Variants in NALF1 observed in about 807,000 individuals in gnomAD.
NALF1 encodes family with sequence similarity 155 member A.
In NALF1, 3 loss-of-function variants were observed where a neutral mutation model predicts 48.4. The observed-to-expected ratio is 0.06, with a 90% CI of 0.03 to 0.16. The LOEUF is 0.16. NALF1 is among the 10% of genes least tolerant of loss of function. The pLI, the probability that NALF1 is intolerant of heterozygous loss-of-function variation, is 1.00. For synonymous variants in NALF1, 262 were observed against 245.7 expected (o/e 1.07, Z -0.62); for missense variants, 526 against 571.5 (o/e 0.92, Z 0.81).
intron 1 of NALF1, among the ~76,000 whole-genome samples, chr13:107,500,417 T>G (rs1223621): frequency 6.6e-6 from 1 of 151,642 alleles, no homozygotes; most frequent in Non-Finnish European, 1.5e-5. Context: ...CCATCTCACA[T>G]CAGTTAGAAT....
At chr13:107,518,446 T>G (rs1876131264) in intron 1 of NALF1, among the ~76,000 whole-genome samples, 1 of 152,032 alleles carries the variant, frequency 6.6e-6, no homozygotes, top group African/African-American at 2.4e-5. Flanking sequence ...TACATGTACT[T>G]AAAAAGAAAG....
intron 1 of NALF1, among the ~76,000 whole-genome samples, chr13:107,731,207 C>T (rs1165392517): frequency 6.6e-6 from 1 of 152,072 alleles, no homozygotes; most frequent in Admixed American, 6.6e-5. Context: ...GAAAGTATCT[C>T]ATATCTTCAC....
At chr13:107,660,434 AAAACACACACACACACACAC>A (rs1880698426) in intron 1 of NALF1, among the ~76,000 whole-genome samples, 1 of 96,534 alleles carries the variant, frequency 1.0e-5, no homozygotes, top group African/African-American at 3.6e-5. Flanking sequence ...CTCTGTCTCA[AAAACACACACACACACACAC>A]ACACACACAC....
chr13:107,666,918 G>C (rs558551418), intron 1 of NALF1, among the ~76,000 whole-genome samples: 2 of 152,194 alleles, frequency 1.3e-5, no homozygotes, highest in South Asian at 4.1e-4. Flanking sequence ...CCTCAGACTA[G>C]ATCCTGTTCA....
At chr13:107,201,715 C>T (rs938914439) in intron 2 of NALF1, among the ~76,000 whole-genome samples, 6 of 152,100 alleles carry the variant, frequency 3.9e-5, no homozygotes, top group Non-Finnish European at 8.8e-5. Context: ...TGTTTGTTCC[C>T]GCGTACTTGA....
At chr13:107,417,975 C>T (rs1170811283) in intron 1 of NALF1, among the ~76,000 whole-genome samples, 1 of 152,204 alleles carries the variant, frequency 6.6e-6, no homozygotes, top group African/African-American at 2.4e-5. Flanking sequence ...GCAGGAGAAT[C>T]GCTTGAACCA....
chr13:107,566,541 A>G (rs904703430), intron 1 of NALF1, among the ~76,000 whole-genome samples: 4 of 152,168 alleles, frequency 2.6e-5, no homozygotes, highest in African/African-American at 9.7e-5. Flanking sequence ...AAGCAGGTCC[A>G]AGGGCACTAG....
intron 1 of NALF1, among the ~76,000 whole-genome samples, chr13:107,698,433 A>G (rs1419083223): frequency 1.3e-5 from 2 of 152,070 alleles, no homozygotes; most frequent in African/African-American, 4.8e-5. Context: ...CAAACTGTTC[A>G]CCATAGTACT....
intron 1 of NALF1, among the ~76,000 whole-genome samples, chr13:107,310,943 G>C (rs1882032862): frequency 6.6e-6 from 1 of 152,166 alleles, no homozygotes; most frequent in Non-Finnish European, 1.5e-5. Flanking sequence ...TTACAGGCGG[G>C]AGCCACAGTG....
At chr13:107,332,108 A>C (rs1882479835) in intron 1 of NALF1, among the ~76,000 whole-genome samples, 1 of 152,218 alleles carries the variant, frequency 6.6e-6, no homozygotes, top group Non-Finnish European at 1.5e-5. Context: ...AGGTCTTTGC[A>C]AACAAACCCA....
chr13:107,247,877 A>G (rs1229143139), intron 1 of NALF1, among the ~76,000 whole-genome samples: 3 of 152,184 alleles, frequency 2.0e-5, no homozygotes, highest in Non-Finnish European at 4.4e-5. Context: ...CGAGCTGAAT[A>G]TAAATCAGTT....
At chr13:107,273,864 G>A (rs1312192186) in intron 1 of NALF1, among the ~76,000 whole-genome samples, 2 of 152,098 alleles carry the variant, frequency 1.3e-5, no homozygotes, top group African/African-American at 2.4e-5. Flanking sequence ...GGGTCCCAGG[G>A]CATGCATGGA....
Position 107,422,236 on chromosome 13 carries a change from AT to A in NALF1, c.916-211482del, listed in dbSNP as rs913289480. 1.1e-4 allele frequency among the ~76,000 whole-genome samples: 16 copies of A among 152,130 alleles called. No individual in the cohort carries two copies. In the South Asian group the frequency reaches 1.7e-3, roughly 16 times the overall value. On this transcript the variant is annotated intron_variant, in intron 1 of 2. Coordinates refer to ENST00000375915, the MANE Select transcript of NALF1 (RefSeq NM_001080396.3). Reference sequence around the variant, plus strand: ...TTATTCTCCCTGTTAGGAGTTTACTATTTACTGCTGATAAGATTGATACAAA... The same window carrying A: ...TTATTCTCCCTGTTAGGAGTTTACTATTACTGCTGATAAGATTGATACAAA...
At chr13:107,528,900 T>C (rs1876530084) in intron 1 of NALF1, among the ~76,000 whole-genome samples, 1 of 152,172 alleles carries the variant, frequency 6.6e-6, no homozygotes, top group African/African-American at 2.4e-5. Flanking sequence ...CAATGAAATC[T>C]TTTAATAAAC....
intron 1 of NALF1, among the ~76,000 whole-genome samples, chr13:107,630,746 AT>A (rs1879814352): frequency 3.1e-5 from 1 of 32,460 alleles, no homozygotes; most frequent in Non-Finnish European, 1.2e-4. Context: ...GGTTTGTAAA[AT>A]ATATATATAT....
intron 1 of NALF1, among the ~76,000 whole-genome samples, chr13:107,581,695 CTTGAGCCCTGTACAGCTCA>C (rs1163140830): frequency 6.6e-6 from 1 of 152,184 alleles, no homozygotes; most frequent in Admixed American, 6.5e-5. Flanking sequence ...CAAGCAGGTC[CTTGAGCCCTGTACAGCTCA>C]TAAGCAAATG....
chr13:107,645,359 C>A (rs913080717), intron 1 of NALF1, among the ~76,000 whole-genome samples: 29 of 152,174 alleles, frequency 1.9e-4, no homozygotes, highest in African/African-American at 6.0e-4. Flanking sequence ...AGAATAATGT[C>A]CCCACCTTCA....
intron 1 of NALF1, among the ~76,000 whole-genome samples, chr13:107,458,650 C>T (rs1383344297): frequency 6.6e-6 from 1 of 152,088 alleles, no homozygotes. Context: ...TTCACCACCA[C>T]TGGGAAAATC....
Position 107,277,826 on chromosome 13 carries a change from T to C in NALF1, c.916-67071A>G, listed in dbSNP as rs1288459975. ...TATAAGCATCAAATCAACATGACTTTAAAATAATAAGCAAGCTGGTAGGAG... is the reference window on the plus strand; with the variant it reads ...TATAAGCATCAAATCAACATGACTTCAAAATAATAAGCAAGCTGGTAGGAG... On this transcript the variant is annotated intron_variant, in intron 1 of 2. Transcript: ENST00000375915. Among the ~76,000 whole-genome samples, 3 of 152,216 alleles carry C rather than the reference T, an allele frequency of 2.0e-5. No homozygotes were observed. In the East Asian group the frequency reaches 5.8e-4, roughly 29 times the overall value.
Sources: allele counts gnomAD v4.1 joint callset (sites outside exome capture counted in the v4.1 genomes callset), GRCh38; gene constraint gnomAD v4.1.1; transcripts MANE v1.5; gene names NCBI Gene and HGNC (gene_info 2026-07-23, HGNC 2026-07-21).